The following HEG1 variants were observed in gnomAD, a reference collection of about 807,000 sequenced individuals.
HEG1 encodes the protein heart development protein with EGF like domains 1.
In HEG1, 56 loss-of-function variants were observed where a neutral mutation model predicts 125.6. The ratio of observed to expected loss-of-function variants is 0.45; its 90% confidence interval spans 0.36 to 0.56. The LOEUF (loss-of-function observed/expected upper bound fraction) is 0.56. HEG1 is among the 20% of genes least tolerant of loss of function. The pLI is 0.00. For missense variants in HEG1, 1,523 were observed against 1,670.0 expected (o/e 0.91, Z 1.53); for synonymous variants, 644 against 668.5 (o/e 0.96, Z 0.57).
intron 11 of HEG1, among the ~76,000 whole-genome samples, chr3:125,001,231 A>G (rs1055423566): frequency 8.8e-5 from 13 of 148,484 alleles, no homozygotes; most frequent in African/African-American, 2.5e-4. Context: ...AATACTGCAC[A>G]TGCTTTTTTT....
intron 3 of HEG1, among the ~76,000 whole-genome samples, chr3:125,026,828 C>T (rs1342360567): frequency 1.3e-5 from 2 of 151,976 alleles, no homozygotes; most frequent in Non-Finnish European, 2.9e-5. Context: ...GCTGAAACCC[C>T]GTCTCTACTA....
chr3:125,019,143 C>G (rs752176588), intron 5 of HEG1, 119 bp downstream of exon 5: 7 of 813,076 alleles, frequency 8.6e-6, no homozygotes, highest in Non-Finnish European at 1.4e-5. Flanking sequence ...GCTGGGATTA[C>G]AGGCGTGAGC....
In HEG1 at chr3:124,966,288, T is replaced by C. The variant is rs1285579573; in HGVS notation, c.*4364A>G. ...GGACCTGTCGCTTTTTAGACCTGAA[T>C]GGTCCCCCTTTGGTTTCATAGGGTT... On this transcript the variant is annotated 3_prime_UTR_variant, in exon 17 of 17. Transcript: ENST00000311127. 6.6e-6 allele frequency: 1 copy of C among 152,202 alleles called. No homozygotes were observed. The highest frequency in any genetic ancestry group is 2.4e-5 in the African/African-American group (1 of 41,450). 9.4% of individuals were successfully genotyped at this position (152,202 alleles called of 1,614,324 possible).
At chr3:125,040,012 A>C (rs1408822619) in intron 1 of HEG1, among the ~76,000 whole-genome samples, 1 of 152,222 alleles carries the variant, frequency 6.6e-6, no homozygotes, top group African/African-American at 2.4e-5. Context: ...TAGCTGGAAG[A>C]CTGAGCAAGA....
rs1228280178 is a variant in HEG1, at chr3:125,013,799, A to T, written c.1780T>A (p.Ser594Thr). The T allele has an allele frequency of 8.1e-6, 13 of 1,613,780 alleles. No individual in the cohort carries two copies. Among genetic ancestry groups the T allele is most frequent in the Non-Finnish European group, 1.1e-5 (13 of 1,179,714 alleles). Residue 594 changes from serine (S) to threonine (T), a missense_variant, in exon 6 of 17, where the codon TCA becomes ACA. Coordinates refer to ENST00000311127, the MANE Select transcript of HEG1 (RefSeq NM_020733.2). Reference protein sequence around the residue: ...STSYIKISNSSHSEYSSFFHA... With the variant: ...STSYIKISNSTHSEYSSFFHA... ...AAAAAGGAGGAATACTCTGAATGTG[A>T]AGAGTTTGAGATTTTAATATAAGAA...
At position 125,012,913 on chromosome 3, in the gene HEG1, A is replaced by T. The variant is rs979691706; in HGVS notation, c.2666T>A (p.Leu889Gln). 1.2e-6 allele frequency: 2 copies of T among 1,613,922 alleles called. No homozygotes were observed. Among genetic ancestry groups the T allele is most frequent in the African/African-American group, 2.7e-5 (2 of 74,926 alleles). The stretch of plus-strand genomic sequence containing the variant: ...ACCTTCTGTTGAGATTTGAGGAACT[A>T]GTATTTCAGGATGGGTCAGCGAGAG... ...KQLSLTHPEI[L>Q]VPQISTEGGI... is the part of the protein sequence containing the mutation. Residue 889 changes from leucine to glutamine, a missense_variant, in exon 6 of 17, where the codon CTA becomes CAA. Physicochemically the swap from Leu to Gln is moderately radical, Grantham distance 113. Coordinates refer to ENST00000311127, the MANE Select transcript of HEG1 (RefSeq NM_020733.2).
chr3:125,012,546 G>A (rs1474433735), intron 6 of HEG1, 77 bp downstream of exon 6: 1 of 1,377,564 alleles, frequency 7.3e-7, no homozygotes, highest in Admixed American at 2.6e-5. Context: ...AAATTCACAT[G>A]AACCCCGAGC....
At position 125,027,351 on chromosome 3, in the gene HEG1, G is replaced by A. The variant is rs202204864; in HGVS notation, c.767C>T (p.Ser256Leu). The change falls in exon 3 of 17, where the codon TCG becomes TTG. Residue 256 changes from serine (S) to leucine (L), a missense_variant. Physicochemically the swap from Ser to Leu is moderately radical, Grantham distance 145. Transcript: ENST00000311127. ...WTVHSQEATTSAWSPSFLPAL... is the reference protein window; with the variant it reads ...WTVHSQEATTLAWSPSFLPAL... ...AGGAAGAAAGGACGGGCTCCAAGCC[G>A]AAGTGGTGGCCTCTTGGCTGTGCAC... 6.2e-5 allele frequency: 100 copies of A among 1,613,890 alleles called. No individual in the cohort carries two copies. Among genetic ancestry groups the A allele is most frequent in the Middle Eastern group, 1.6e-4 (1 of 6,084 alleles).
chr3:124,977,913 G>A lies in HEG1; in HGVS notation c.3767C>T (p.Ala1256Val), dbSNP rs186214189. 27 of 1,580,692 alleles carry A rather than the reference G, an allele frequency of 1.7e-5. No homozygotes were observed. The highest frequency in any genetic ancestry group is 4.6e-5 in the East Asian group (2 of 43,130). The change falls in exon 15 of 17, where the codon GCG becomes GTG. Residue 1256 changes from alanine (A) to valine (V), a missense_variant. Physicochemically the swap from Ala to Val is moderately conservative, Grantham distance 64. Transcript: ENST00000311127. The stretch of plus-strand genomic sequence containing the variant: ...TAGGATGAGCAGGAGCCCACCTCCC[G>A]CGGCTGCGATCACCACAGTGATAAG... ...YQLITVVIAA[A>V]GGGLLLILGI...
intron 14 of HEG1, among the ~76,000 whole-genome samples, chr3:124,978,237 T>G (rs1936581332): frequency 6.6e-6 from 1 of 152,184 alleles, no homozygotes; most frequent in Non-Finnish European, 1.5e-5. Context: ...AACCTCCGCC[T>G]CCTGGGTTCA....
intron 1 of HEG1, among the ~76,000 whole-genome samples, chr3:125,052,966 T>C (rs766919130): frequency 6.6e-6 from 1 of 152,178 alleles, no homozygotes; most frequent in Non-Finnish European, 1.5e-5. Flanking sequence ...CTGACATCAG[T>C]GTATTTGGAA....
intron 5 of HEG1, 61 bp downstream of exon 5, chr3:125,019,201 T>A: frequency 7.2e-7 from 1 of 1,392,570 alleles, no homozygotes; most frequent in Non-Finnish European, 1.0e-6. Flanking sequence ...ACAGATTTCA[T>A]AAGCATCATG....
chr3:124,972,992 TTTG>T (rs1400331787), intron 16 of HEG1, among the ~76,000 whole-genome samples: 1 of 149,886 alleles, frequency 6.7e-6, no homozygotes, highest in Non-Finnish European at 1.5e-5. Context: ...AGTTGGTTTT[TTTG>T]TTGTTGTTGT....
chr3:124,979,626 G>A (rs1294335098), intron 14 of HEG1, among the ~76,000 whole-genome samples: 1 of 152,080 alleles, frequency 6.6e-6, no homozygotes, highest in Admixed American at 6.6e-5. Context: ...TAGGATCCAG[G>A]ATGAAACACC....
chr3:125,008,365 G>A (rs1055560560), intron 8 of HEG1, among the ~76,000 whole-genome samples: 2 of 152,172 alleles, frequency 1.3e-5, no homozygotes, highest in African/African-American at 4.8e-5. Context: ...TCAGCCCACA[G>A]GTAATAGCAC....
At chr3:125,040,344 G>A (rs576873767) in intron 1 of HEG1, among the ~76,000 whole-genome samples, 17 of 152,294 alleles carry the variant, frequency 1.1e-4, no homozygotes, top group African/African-American at 3.8e-4. Flanking sequence ...ACAAGGGAAG[G>A]ATAGGACAAA....
chr3:125,052,263 C>G (rs139241644), intron 1 of HEG1, among the ~76,000 whole-genome samples: 10 of 152,212 alleles, frequency 6.6e-5, no homozygotes, highest in African/African-American at 2.4e-4. Flanking sequence ...AGCCACTCTC[C>G]CCTCCCTGAG....
intron 12 of HEG1, among the ~76,000 whole-genome samples, chr3:124,995,541 C>T (rs1936908011): frequency 6.6e-6 from 1 of 152,152 alleles, no homozygotes; most frequent in Non-Finnish European, 1.5e-5. Context: ...ACACACACTC[C>T]TCTATCCTCT....
chr3:125,043,477 C>T (rs1937617947), intron 1 of HEG1, among the ~76,000 whole-genome samples: 2 of 151,952 alleles, frequency 1.3e-5, no homozygotes, highest in South Asian at 4.1e-4. Flanking sequence ...CAGAAGATTC[C>T]CAGTTGGTTA....
Sources: gnomAD v4.1 joint callset for allele counts (sites outside exome capture counted in the v4.1 genomes callset) on GRCh38, gnomAD v4.1.1 for gene constraint, MANE v1.5 for transcripts, NCBI Gene and HGNC (gene_info 2026-07-23, HGNC 2026-07-21) for gene names.